Variants in GON4L observed in about 807,000 individuals in gnomAD.
GON4L encodes the protein gon-4 like.
A neutral mutation model predicts 211.8 loss-of-function variants in GON4L; 87 were observed. That is an observed-to-expected ratio of 0.41 (90% CI 0.35 to 0.49). The LOEUF (loss-of-function observed/expected upper bound fraction) is 0.49. Ranked by LOEUF, GON4L falls within the 20% of genes least tolerant of loss-of-function variation. The pLI is 0.15. For synonymous variants in GON4L, 875 were observed against 962.6 expected, an observed-to-expected ratio of 0.91 and a Z score of 1.68; for missense variants, 2,155 against 2,659.5, an observed-to-expected ratio of 0.81 and a Z score of 4.17.
chr1:155,791,193 C>T (rs1025298400), intron 12 of GON4L, among the ~76,000 whole-genome samples: 2 of 151,330 alleles, frequency 1.3e-5, no homozygotes, highest in African/African-American at 4.9e-5. Flanking sequence ...ACCTGGGAGG[C>T]GGAGGCTGCA....
At chr1:155,845,812 T>C in intron 2 of GON4L, 1 of 248,980 alleles carries the variant, frequency 4.0e-6, no homozygotes, top group South Asian at 5.8e-5. Context: ...AAGATGGAAC[T>C]TCAGCCTTGA....
chr1:155,794,699 A>T (rs1030444102), intron 12 of GON4L, among the ~76,000 whole-genome samples: 13 of 152,112 alleles, frequency 8.5e-5, no homozygotes, highest in Non-Finnish European at 1.2e-4. Context: ...TCATTATTAT[A>T]CCTTATGTAA....
intron 11 of GON4L, among the ~76,000 whole-genome samples, chr1:155,800,163 C>A (rs1177780084): frequency 6.6e-6 from 1 of 151,764 alleles, no homozygotes; most frequent in Non-Finnish European, 1.5e-5. Flanking sequence ...CGTGCCATTG[C>A]ACTCCAGCCT....
chr1:155,767,128 T>C, intron 20 of GON4L: 1 of 677,326 alleles, frequency 1.5e-6, no homozygotes, highest in Non-Finnish European at 2.5e-6. Context: ...TCTCAAGGCA[T>C]CTTTCCAAGA....
chr1:155,786,099 A>AAAC (rs10656171), intron 12 of GON4L, among the ~76,000 whole-genome samples: 127,840 of 148,920 alleles, frequency 0.86, 56,396 homozygotes, highest in East Asian at 0.99. Flanking sequence ...CTGTCTCAAA[A>AAAC]AACAACAACA....
intron 19 of GON4L, among the ~76,000 whole-genome samples, chr1:155,768,613 A>C (rs1028792351): frequency 6.6e-6 from 1 of 151,008 alleles, no homozygotes; most frequent in Non-Finnish European, 1.5e-5. Context: ...TCCATCTCAA[A>C]AAAAAAAAAA....
At chr1:155,747,086 A>C (rs772283397), downstream of GON4L, 8 of 1,606,294 alleles carry the variant, frequency 5.0e-6, no homozygotes, top group Non-Finnish European at 6.8e-6. Context: ...CTTTGCCTCT[A>C]AACTGCCTGG....
At chr1:155,786,922 T>C (rs1664999486) in intron 12 of GON4L, among the ~76,000 whole-genome samples, 2 of 146,312 alleles carry the variant, frequency 1.4e-5, no homozygotes, top group Non-Finnish European at 3.0e-5. Context: ...AGTTAAGAGT[T>C]TTTTCGTTTT....
rs75214154 is a variant in GON4L, at chr1:155,819,273, A to G, written c.1014+1333T>C. 7.8e-4 allele frequency among the ~76,000 whole-genome samples: 119 copies of G among 152,156 alleles called. 2 individuals are homozygous for G. The East Asian group carries it at 0.02, about 25-fold the overall frequency. ...AGCCAGAATTGTGCCACTGCACTCC[A>G]GCCTGGACGATGAAGCAAGACTCCC... is the stretch of plus-strand genomic sequence containing the variant. On this transcript the variant is annotated intron_variant, in intron 6 of 31. Transcript: ENST00000368331.
chr1:155,843,631 C>A (rs930630538), intron 2 of GON4L, among the ~76,000 whole-genome samples: 2 of 150,694 alleles, frequency 1.3e-5, no homozygotes, highest in Non-Finnish European at 3.0e-5. Flanking sequence ...TAGCCAAATT[C>A]CCAAGGCCAT....
intron 2 of GON4L, among the ~76,000 whole-genome samples, chr1:155,842,426 A>T (rs1416965452): frequency 6.8e-6 from 1 of 147,762 alleles, no homozygotes; most frequent in Non-Finnish European, 1.5e-5. Context: ...CAGGAGGCTG[A>T]GGCAGGAGAA....
chr1:155,807,290 T>C lies in GON4L; in HGVS notation c.1453-2149A>G, dbSNP rs568790376. Among the ~76,000 whole-genome samples, 3 of 152,044 alleles carry C rather than the reference T, an allele frequency of 2.0e-5. No homozygotes were observed. The East Asian group carries it at 5.8e-4, about 29-fold the overall frequency. ...TGGCATATGCCTGTAGTTCCAGCTA[T>C]GCAAGAGCCAACGTGGGAGGATCAC... is the stretch of plus-strand genomic sequence containing the variant. On this transcript the variant is annotated intron_variant, in intron 10 of 31. Transcript: ENST00000368331.
intron 16 of GON4L, 38 bp from the exon 17 acceptor site, chr1:155,775,211 C>G: frequency 6.2e-7 from 1 of 1,613,578 alleles, no homozygotes; most frequent in Non-Finnish European, 8.5e-7. Flanking sequence ...TAAGACAATT[C>G]CAGACAATTA....
chr1:155,759,596 T>C (rs1234588134), intron 24 of GON4L, among the ~76,000 whole-genome samples: 1 of 151,876 alleles, frequency 6.6e-6, no homozygotes, highest in African/African-American at 2.4e-5. Context: ...AATTTTTTTT[T>C]TTGTTCACGT....
rs374503498 is a variant in GON4L at position 155,757,263 on chromosome 1, T to C, written c.5314A>G (p.Ile1772Val). 19 of 1,613,934 alleles carry C rather than the reference T, an allele frequency of 1.2e-5. No individual in the cohort carries two copies. In the East Asian group the frequency reaches 2.5e-4, roughly 21 times the overall value. The change falls in exon 26 of 32, where the codon ATC (isoleucine) becomes GTC (valine). Residue 1772 changes from isoleucine (I) to valine (V), a missense_variant. Ile to Val is a conservative substitution (Grantham distance 29). Around this residue, in one of 6 missense-constraint regions of GON4L, gnomAD observed 455 missense variants for 504.6 expected, o/e 0.90. Transcript: ENST00000368331. Reference protein sequence around the residue: ...GHDHLQDEFSIFFDHLRPAAS... With the variant: ...GHDHLQDEFSVFFDHLRPAAS... Reference sequence around the variant, plus strand: ...GCTGGGCGCAAGTGGTCAAAGAAGATAGAAAACTCATCCTGCAGGTGGTCG... The same window carrying C: ...GCTGGGCGCAAGTGGTCAAAGAAGACAGAAAACTCATCCTGCAGGTGGTCG...
chr1:155,799,787 G>A (rs544477922), intron 11 of GON4L, among the ~76,000 whole-genome samples: 15 of 152,260 alleles, frequency 9.9e-5, no homozygotes, highest in Admixed American at 5.2e-4. Context: ...ACCATCTTAG[G>A]CCTTTGAACC....
chr1:155,836,252 T>G lies in GON4L; in HGVS notation c.506-9224A>C, dbSNP rs1351520401. Among the ~76,000 whole-genome samples the G allele has an allele frequency of 5.2e-3, 15 of 2,860 alleles. No homozygotes were observed. The East Asian group carries it at 0.47, about 89-fold the overall frequency. 1.9% of individuals were successfully genotyped at this position (2,860 alleles called of 152,430 possible). A position where few individuals can be genotyped will look rare whatever the true frequency, so the allele number is the denominator to read the frequency against. ...CCTCAATGTGTGTTTTGTTTTCGTTTTTTTTTTTTTTTTTTGAGACGACAT... is the reference window on the plus strand; with the variant it reads ...CCTCAATGTGTGTTTTGTTTTCGTTGTTTTTTTTTTTTTTTGAGACGACAT... On this transcript the variant is annotated intron_variant, in intron 2 of 31. Transcript: ENST00000368331.
Position 155,776,491 on chromosome 1 carries a change from G to C in GON4L, c.2092-10C>G. 6.3e-7 allele frequency: 1 copy of C among 1,587,572 alleles called. No individual in the cohort carries two copies. Among genetic ancestry groups the C allele is most frequent in the South Asian group, 1.1e-5 (1 of 90,546 alleles). ...TCAAGAGCTGAACGTGCTGGGGATG[G>C]AAAGAAAATGATGAAGTGACATGTT... On this transcript the variant is annotated splice_polypyrimidine_tract_variant and intron_variant, in intron 15 of 31. Coordinates refer to ENST00000368331, the MANE Select transcript of GON4L (RefSeq NM_001282860.2).
Position 155,814,328 on chromosome 1 carries a change from A to G in GON4L, c.1281+2T>C. On this transcript the variant is annotated splice_donor_variant, in intron 9 of 31. Transcript: ENST00000368331. LOFTEE classifies it high-confidence loss of function. ...CATCTCTTTTGTATGATGCCGATTT[A>G]CCTCTGATAATATGCCACTCTCCTC... 6.2e-7 allele frequency: 1 copy of G among 1,612,542 alleles called. No homozygotes were observed. Among genetic ancestry groups the G allele is most frequent in the Non-Finnish European group, 8.5e-7 (1 of 1,178,892 alleles).
Sources: gnomAD v4.1 joint callset for allele counts (sites outside exome capture counted in the v4.1 genomes callset) on GRCh38, gnomAD v4.1.1 for gene constraint, gnomAD v4.1.1 regional missense constraint, MANE v1.5 for transcripts, NCBI Gene and HGNC (gene_info 2026-07-23, HGNC 2026-07-21) for gene names.